CSTPP1: variants seen among roughly 807,000 people sequenced by gnomAD.
CSTPP1 encodes UPF0705 protein C11orf49.
chr11:46,962,798 C>A, the CSTPP1 span, among the ~76,000 whole-genome samples: 1 of 151,822 alleles, frequency 6.6e-6, no homozygotes, highest in Non-Finnish European at 1.5e-5. Flanking sequence ...ACTAAAAATA[C>A]AAAAAATTAC....
the CSTPP1 span, among the ~76,000 whole-genome samples, chr11:47,116,871 C>T: frequency 5.9e-5 from 9 of 151,848 alleles, no homozygotes; most frequent in Non-Finnish European, 1.2e-4. Flanking sequence ...TTAGTAGAGA[C>T]GGGGTTTCAC....
chr11:47,067,154 A>G, the CSTPP1 span, among the ~76,000 whole-genome samples: 1 of 152,274 alleles, frequency 6.6e-6, no homozygotes. Flanking sequence ...TAACATTTTG[A>G]CTGATCTTTT....
the CSTPP1 span, among the ~76,000 whole-genome samples, chr11:46,995,726 T>C: frequency 5.1e-4 from 78 of 152,340 alleles, 1 homozygote; most frequent in East Asian, 0.013. Flanking sequence ...ATAAGTGCGA[T>C]GTGGTGCTGA....
chr11:47,138,074 C>G, the CSTPP1 span: 5 of 292,772 alleles, frequency 1.7e-5, no homozygotes, highest in East Asian at 2.9e-4. Flanking sequence ...TGTGTTTTCA[C>G]GCTACTGTAA....
the CSTPP1 span, among the ~76,000 whole-genome samples, chr11:47,144,547 A>G: frequency 6.6e-6 from 1 of 152,214 alleles, no homozygotes; most frequent in Non-Finnish European, 1.5e-5. Flanking sequence ...CCAGATTAAA[A>G]GAAAAATGAG....
chr11:47,115,726 C>T, the CSTPP1 span, among the ~76,000 whole-genome samples: 215 of 150,584 alleles, frequency 1.4e-3, no homozygotes, highest in Non-Finnish European at 2.7e-3. Context: ...ATCTTGCTAG[C>T]GGTCTATCAA....
chr11:46,969,237 G>A, the CSTPP1 span, among the ~76,000 whole-genome samples: 2 of 152,146 alleles, frequency 1.3e-5, no homozygotes, highest in Non-Finnish European at 2.9e-5. Flanking sequence ...GAATACAAGG[G>A]CCTGAAGCCC....
At chr11:47,097,268 A>G in the CSTPP1 span, among the ~76,000 whole-genome samples, 1 of 117,082 alleles carries the variant, frequency 8.5e-6, no homozygotes, top group African/African-American at 3.0e-5. Context: ...CCCGTCCGGG[A>G]GGGAGGTGGG....
chr11:47,046,056 AT>A, the CSTPP1 span, among the ~76,000 whole-genome samples: 1 of 152,176 alleles, frequency 6.6e-6, no homozygotes, highest in Non-Finnish European at 1.5e-5. Flanking sequence ...AAGTGCTGGG[AT>A]TACAGGCGTG....
the CSTPP1 span, among the ~76,000 whole-genome samples, chr11:47,111,415 C>G: frequency 6.6e-6 from 1 of 152,118 alleles, no homozygotes; most frequent in South Asian, 2.1e-4. Flanking sequence ...GGTTTGTAGT[C>G]ATTTTCATCA....
chr11:47,065,465 A>T, the CSTPP1 span, among the ~76,000 whole-genome samples: 1 of 151,960 alleles, frequency 6.6e-6, no homozygotes, highest in Non-Finnish European at 1.5e-5. Flanking sequence ...TCTTTTAGAG[A>T]TGAGGTCTCA....
chr11:47,036,201 TA>T, the CSTPP1 span, among the ~76,000 whole-genome samples: 1 of 56,734 alleles, frequency 1.8e-5, no homozygotes, highest in South Asian at 4.3e-4. Flanking sequence ...TATTATATAT[TA>T]TATATTATAT....
chr11:46,965,601 T>C, the CSTPP1 span, among the ~76,000 whole-genome samples: 1 of 152,220 alleles, frequency 6.6e-6, no homozygotes, highest in African/African-American at 2.4e-5. Flanking sequence ...TTTACACTTT[T>C]GCATATCTTT....
the CSTPP1 span, among the ~76,000 whole-genome samples, chr11:47,132,949 G>A: frequency 1.3e-5 from 2 of 152,154 alleles, no homozygotes. Context: ...AATAATAATA[G>A]CAAGTACTAA....
chr11:47,161,829 T>C, the CSTPP1 span: 1 of 1,392,924 alleles, frequency 7.2e-7, no homozygotes. Context: ...GTGAATGGCC[T>C]GCTCTCCCTG....
At chr11:46,948,848 C>T in the CSTPP1 span, among the ~76,000 whole-genome samples, 15 of 152,246 alleles carry the variant, frequency 9.9e-5, no homozygotes, top group African/African-American at 3.1e-4. Flanking sequence ...TTTTGGAATG[C>T]GATGCATTGA....
chr11:47,065,738 GATTATT>G, the CSTPP1 span, among the ~76,000 whole-genome samples: 3 of 151,104 alleles, frequency 2.0e-5, no homozygotes, highest in Admixed American at 2.0e-4. Flanking sequence ...AAATATAATT[GATTATT>G]ATTATTATTA....
chr11:47,158,342 T>TG, the CSTPP1 span, among the ~76,000 whole-genome samples: 2 of 129,014 alleles, frequency 1.6e-5, no homozygotes, highest in Admixed American at 8.0e-5. Context: ...TTTTCCAAGC[T>TG]GAAAAAAAAA....
the CSTPP1 span, among the ~76,000 whole-genome samples, chr11:47,071,476 C>G: frequency 6.6e-6 from 1 of 152,220 alleles, no homozygotes; most frequent in Non-Finnish European, 1.5e-5. Flanking sequence ...TATGTAATAA[C>G]TGCTCTGTCA....
Sources: allele counts gnomAD v4.1 joint callset (sites outside exome capture counted in the v4.1 genomes callset), GRCh38; gene constraint gnomAD v4.1.1; transcripts MANE v1.5; gene names NCBI Gene and HGNC (gene_info 2026-07-23, HGNC 2026-07-21).